The following CENPH variants were observed in gnomAD, a reference collection of about 807,000 sequenced individuals.
CENPH encodes CENP-H.
In CENPH, 40 loss-of-function variants were observed where a neutral mutation model predicts 42.9. That is an observed-to-expected ratio of 0.93 (90% CI 0.72 to 1.21). The LOEUF (loss-of-function observed/expected upper bound fraction) is 1.21, where lower values mean the gene tolerates loss of function less well. CENPH is among the 50% of genes most tolerant of loss of function. CENPH has a pLI of 0.00. For synonymous variants in CENPH, 88 were observed against 96.5 expected (o/e 0.91, Z 0.52); for missense variants, 302 against 292.9 (o/e 1.03, Z -0.23).
intron 1 of CENPH, among the ~76,000 whole-genome samples, chr5:69,190,882 C>G (rs920859740): frequency 6.6e-6 from 1 of 151,514 alleles, no homozygotes; most frequent in Non-Finnish European, 1.5e-5. Flanking sequence ...TAGAGCAAGA[C>G]TCTTGACTCA....
chr5:69,193,116 A>AAT (rs373671258), intron 2 of CENPH, among the ~76,000 whole-genome samples: 84 of 150,124 alleles, frequency 5.6e-4, no homozygotes, highest in African/African-American at 1.3e-3. Flanking sequence ...AAACAAACAA[A>AAT]ATATATATAT....
rs574069674 is a variant in CENPH, at chr5:69,210,062, C to T, written c.*263C>T. Reference sequence around the variant, plus strand: ...TGTTGCCCAGACTGGAGGGCAGTGGCGCGATCTCGGCTCACTGCAACCTCT... The same window carrying T: ...TGTTGCCCAGACTGGAGGGCAGTGGTGCGATCTCGGCTCACTGCAACCTCT... On this transcript the variant is annotated 3_prime_UTR_variant, in exon 9 of 9. Transcript: ENST00000283006. 2.2e-5 allele frequency: 5 copies of T among 227,452 alleles called. No homozygotes were observed. The highest frequency in any genetic ancestry group is 2.2e-4 in the East Asian group (2 of 9,062). 14.1% of individuals were successfully genotyped at this position (227,452 alleles called of 1,614,324 possible). A position where few individuals can be genotyped will look rare whatever the true frequency, so the allele number is the denominator to read the frequency against.
At chr5:69,193,284 A>G (rs768911000) in intron 2 of CENPH, among the ~76,000 whole-genome samples, 3 of 151,998 alleles carry the variant, frequency 2.0e-5, no homozygotes, top group Non-Finnish European at 1.5e-5. Flanking sequence ...TAAGGGTACA[A>G]TTTGATGAGT....
At position 69,209,744 on chromosome 5, in the gene CENPH, A is replaced by G; in HGVS notation, c.689A>G (p.Asp230Gly). Residue 230 changes from aspartate to glycine, a missense_variant, in exon 9 of 9, where the codon GAT (aspartate) becomes GGT (glycine). By Grantham distance (94) the Asp-to-Gly change is moderately conservative. Coordinates refer to ENST00000283006, the MANE Select transcript of CENPH (RefSeq NM_022909.4). ...ILGSKVNWAE[D>G]PALKEIVLQL... The stretch of plus-strand genomic sequence containing the variant: ...GGGAGTAAAGTCAATTGGGCAGAGG[A>G]TCCTGCCCTTAAGGAAATTGTTCTG... The G allele has an allele frequency of 6.2e-7, 1 of 1,605,370 alleles. No individual in the cohort carries two copies. Among genetic ancestry groups the G allele is most frequent in the Non-Finnish European group, 8.5e-7 (1 of 1,173,716 alleles).
At chr5:69,191,102 T>C (rs1747863481) in intron 1 of CENPH, among the ~76,000 whole-genome samples, 1 of 152,220 alleles carries the variant, frequency 6.6e-6, no homozygotes, top group African/African-American at 2.4e-5. Flanking sequence ...TTAGTATCTT[T>C]GTTATTTTTC....
In CENPH at chr5:69,208,364, C is replaced by T. The variant is rs1296669915; in HGVS notation, c.651+5C>T. 4.5e-6 allele frequency: 7 copies of T among 1,563,940 alleles called. No homozygotes were observed. The highest frequency in any genetic ancestry group is 6.1e-6 in the Non-Finnish European group (7 of 1,142,328). Reference sequence around the variant, plus strand: ...GTTATTCAACATGTGTTCCAGGTAACATTTATATAAACTAGCAAGAGTTTT... The same window carrying T: ...GTTATTCAACATGTGTTCCAGGTAATATTTATATAAACTAGCAAGAGTTTT... On this transcript the variant is annotated splice_donor_5th_base_variant and intron_variant, in intron 8 of 8. Transcript: ENST00000283006.
intron 7 of CENPH, 103 bp downstream of exon 7, chr5:69,203,073 C>G (rs1748083633): frequency 2.6e-6 from 2 of 774,586 alleles, no homozygotes; most frequent in Non-Finnish European, 4.3e-6. Context: ...TTTCCGACTT[C>G]CAAAATTCCT....
At chr5:69,194,065 A>G (rs1448184167) in intron 2 of CENPH, among the ~76,000 whole-genome samples, 1 of 152,180 alleles carries the variant, frequency 6.6e-6, no homozygotes, top group Non-Finnish European at 1.5e-5. Flanking sequence ...TAGCATAGAT[A>G]GGAAACATTT....
intron 2 of CENPH, 141 bp from the exon 3 acceptor site, chr5:69,194,500 TATTAAA>T (rs1747931111): frequency 1.9e-6 from 1 of 523,326 alleles, no homozygotes; most frequent in Non-Finnish European, 3.4e-6. Context: ...TAAATAAGTA[TATTAAA>T]ATTAAATTTC....
chr5:69,189,658 A>G lies in CENPH; in HGVS notation c.24A>G (p.Gln8=), dbSNP rs1281322982. 2.5e-6 allele frequency: 4 copies of G among 1,601,516 alleles called. No individual in the cohort carries two copies. The highest frequency in any genetic ancestry group is 3.4e-6 in the Non-Finnish European group (4 of 1,176,056). The change falls in exon 1 of 9, where the codon CAA becomes CAG. Residue 8 remains glutamine, a synonymous_variant. Coordinates refer to ENST00000283006, the MANE Select transcript of CENPH (RefSeq NM_022909.4). ...CAATGGAGGAGCAGCCCCAGATGCA[A>G]GACGCCGACGAGCCCGCGGACTCCG... MEEQPQM[Q]DADEPADSGG... is the part of the protein sequence containing the mutation.
In CENPH at chr5:69,202,915, AC is replaced by A; in HGVS notation, c.436-3del. On this transcript the variant is annotated splice_polypyrimidine_tract_variant and splice_region_variant and intron_variant, in intron 6 of 8. Coordinates refer to ENST00000283006, the MANE Select transcript of CENPH (RefSeq NM_022909.4). ...TGCTTTAACTTTTTTATTTTTAATAACAGGAATCTTGGGATTTAGAGGAAAA... is the reference window on the plus strand; with the variant it reads ...TGCTTTAACTTTTTTATTTTTAATAAAGGAATCTTGGGATTTAGAGGAAAA... The A allele has an allele frequency of 1.9e-6, 3 of 1,544,368 alleles. No homozygotes were observed. Among genetic ancestry groups the A allele is most frequent in the Non-Finnish European group, 2.7e-6 (3 of 1,123,082 alleles).
At chr5:69,192,962 G>T (rs1162076835) in intron 2 of CENPH, among the ~76,000 whole-genome samples, 2 of 141,372 alleles carry the variant, frequency 1.4e-5, no homozygotes, top group Non-Finnish European at 3.0e-5. Flanking sequence ...TGGGCGTGGT[G>T]GTGCATGCCT....
intron 2 of CENPH, among the ~76,000 whole-genome samples, chr5:69,193,774 C>G (rs1361986693): frequency 6.6e-6 from 1 of 150,834 alleles, no homozygotes; most frequent in African/African-American, 2.4e-5. Context: ...GCCTCAGCCT[C>G]TCAAGTAGCC....
chr5:69,196,254 A>G (rs1265407943), intron 4 of CENPH, among the ~76,000 whole-genome samples: 2 of 152,186 alleles, frequency 1.3e-5, no homozygotes, highest in Non-Finnish European at 2.9e-5. Context: ...GCCCTGAGAG[A>G]AAATTTGCAT....
chr5:69,205,288 C>T lies in CENPH; in HGVS notation c.487+2318C>T, dbSNP rs992220106. Among the ~76,000 whole-genome samples the T allele has an allele frequency of 3.3e-5, 5 of 151,480 alleles. No individual in the cohort carries two copies. The East Asian group carries it at 7.8e-4, about 24-fold the overall frequency. ...TGTTGTCCAAGCTGGAGTGCAGTGG[C>T]GCGATCTTGGCTCTCTGCAACCTCT... On this transcript the variant is annotated intron_variant, in intron 7 of 8. Coordinates refer to ENST00000283006, the MANE Select transcript of CENPH (RefSeq NM_022909.4).
intron 2 of CENPH, among the ~76,000 whole-genome samples, chr5:69,193,641 A>ATT (rs1747915981): frequency 6.8e-6 from 1 of 146,916 alleles, no homozygotes; most frequent in Non-Finnish European, 1.5e-5. Flanking sequence ...GATACAGAAC[A>ATT]TTTTCTTTTT....
At chr5:69,203,669 A>G (rs1472616139) in intron 7 of CENPH, among the ~76,000 whole-genome samples, 1 of 151,696 alleles carries the variant, frequency 6.6e-6, no homozygotes, top group East Asian at 1.9e-4. Flanking sequence ...ACCTGGCCAA[A>G]TTGTTGTATT....
intron 3 of CENPH, 101 bp downstream of exon 3, chr5:69,194,796 G>A (rs761077525): frequency 4.3e-6 from 3 of 701,260 alleles, no homozygotes; most frequent in Non-Finnish European, 7.1e-6. Flanking sequence ...ATGCAGGCTA[G>A]AGTGCAGTGG....
intron 7 of CENPH, among the ~76,000 whole-genome samples, chr5:69,204,820 G>A (rs1184086770): frequency 6.6e-6 from 1 of 151,220 alleles, no homozygotes; most frequent in East Asian, 1.9e-4. Context: ...TGGCCAGGCT[G>A]GTCTTGAACT....
Sources: allele counts gnomAD v4.1 joint callset (sites outside exome capture counted in the v4.1 genomes callset), GRCh38; gene constraint gnomAD v4.1.1; transcripts MANE v1.5; gene names NCBI Gene and HGNC (gene_info 2026-07-23, HGNC 2026-07-21).